Variants in EP400 observed in about 807,000 individuals in gnomAD.
EP400 encodes E1A binding protein p400, also known as E1A-binding protein p400.
A neutral mutation model predicts 354.1 loss-of-function variants in EP400; 105 were observed. The ratio of observed to expected loss-of-function variants is 0.30; its 90% CI spans 0.25 to 0.35. EP400 has a LOEUF of 0.35. Ranked by LOEUF, EP400 falls within the 10% of genes least tolerant of loss-of-function variation. The probability of loss-of-function intolerance (pLI) is 1.00; values close to 1 mark genes in which losing one functional copy is unlikely to be tolerated. For missense variants in EP400, 3,280 were observed against 4,121.0 expected (o/e 0.80, Z 5.59); for synonymous variants, 1,646 against 1,716.9 (o/e 0.96, Z 1.02).
intron 12 of EP400, among the ~76,000 whole-genome samples, chr12:132,001,694 G>A (rs553534984): frequency 3.7e-4 from 57 of 152,258 alleles, no homozygotes; most frequent in Admixed American, 1.3e-3. Flanking sequence ...AGATCCTGGC[G>A]TTACCGCTAG....
At position 132,073,459 on chromosome 12, in the gene EP400, C is replaced by CTTTTTTTTTTTT. The variant is rs58724167; in HGVS notation, c.9022-3054_9022-3043dup. The stretch of plus-strand genomic sequence containing the variant: ...GTGCGTTTTAATTCTGTCCCTTTTC[C>CTTTTTTTTTTTT]TTTTTTTTTTTTTTGACACAGTCTT... On this transcript the variant is annotated intron_variant, in intron 51 of 52. Transcript: ENST00000389561. Among the ~76,000 whole-genome samples, 11 of 117,698 alleles carry CTTTTTTTTTTTT rather than the reference C, an allele frequency of 9.3e-5. 1 individual carries two copies. The highest frequency in any genetic ancestry group is 2.4e-4 in the Admixed American group (3 of 12,620). 77.2% of individuals were successfully genotyped at this position (117,698 alleles called of 152,430 possible).
rs768528649 is a variant in EP400 at position 132,045,488 on chromosome 12, T to C, written c.6954T>C (p.Phe2318=). The change falls in exon 38 of 53, where the codon TTT becomes TTC. Residue 2318 remains phenylalanine (F), a synonymous_variant. Coordinates refer to ENST00000389561, the MANE Select transcript of EP400 (RefSeq NM_015409.5). ...QVPFAKPLPT[F]AKPTAEPGQD... ...CATTCGCCAAGCCCCTGCCAACTTT[T>C]GCCAAACCCACAGCTGAGCCTGGTC... 1 of 1,614,196 alleles carries C rather than the reference T, an allele frequency of 6.2e-7. No individual in the cohort carries two copies. The highest frequency in any genetic ancestry group is 8.5e-7 in the Non-Finnish European group (1 of 1,180,036).
intron 45 of EP400, among the ~76,000 whole-genome samples, chr12:132,057,187 G>A (rs1365134974): frequency 6.6e-6 from 1 of 152,188 alleles, no homozygotes; most frequent in Non-Finnish European, 1.5e-5. Flanking sequence ...AAGTGAAAAC[G>A]CCAGAACAAG....
At chr12:132,002,792 A>T (rs767241519) in intron 12 of EP400, among the ~76,000 whole-genome samples, 1 of 152,208 alleles carries the variant, frequency 6.6e-6, no homozygotes, top group African/African-American at 2.4e-5. Flanking sequence ...ACCAGGAGTG[A>T]ACACCAGGAG....
rs1293986480 is a variant in EP400 at position 132,029,352 on chromosome 12, A to G, written c.5382-349A>G. ...GGCTATAGCAGTTCTAGGGTCCACG[A>G]GACAGTGCACCTTTGTCCCAAAGTT... On this transcript the variant is annotated intron_variant, in intron 27 of 52. Transcript: ENST00000389561. The surrounding 1 kb of genome is among the most constrained non-coding windows in gnomAD (Gnocchi z 4.7). 1.2e-5 allele frequency: 4 copies of G among 327,248 alleles called. No homozygotes were observed. Among genetic ancestry groups the G allele is most frequent in the Non-Finnish European group, 2.3e-5 (4 of 175,978 alleles). 20.3% of individuals were successfully genotyped at this position (327,248 alleles called of 1,614,324 possible). A position where few individuals can be genotyped will look rare whatever the true frequency, so the allele number is the denominator to read the frequency against.
Position 132,017,655 on chromosome 12 carries a change from G to A in EP400, c.4044G>A (p.Val1348=), listed in dbSNP as rs1278448279. 3.1e-6 allele frequency: 5 copies of A among 1,600,458 alleles called. No individual in the cohort carries two copies. The highest frequency in any genetic ancestry group is 1.7e-5 in the Admixed American group (1 of 58,050). The change falls in exon 20 of 53, where the codon GTG becomes GTA. Residue 1348 remains valine (V), a synonymous_variant. Transcript: ENST00000389561. This position sits in a 1 kb window ranked among gnomAD's most constrained non-coding sequence, Gnocchi z 5.0. The part of the protein sequence containing the change: ...VEPRHPGSSY[V]AGPLEYPSAS... The stretch of plus-strand genomic sequence containing the variant: ...CCCGGCACCCAGGCTCTTCCTACGT[G>A]GCGGGGCCACTGGAGTATCCGTCCG...
intron 32 of EP400, among the ~76,000 whole-genome samples, chr12:132,040,391 C>T (rs1565925571): frequency 6.6e-6 from 1 of 152,034 alleles, no homozygotes; most frequent in Non-Finnish European, 1.5e-5. Flanking sequence ...TTGAAATTAG[C>T]GTGTAGGAGA....
chr12:131,988,482 A>G (rs1433118816), intron 7 of EP400, among the ~76,000 whole-genome samples: 1 of 152,136 alleles, frequency 6.6e-6, no homozygotes, highest in Non-Finnish European at 1.5e-5. Flanking sequence ...CAGTCAAGGG[A>G]CAGCAAGGGG....
intron 19 of EP400, among the ~76,000 whole-genome samples, chr12:132,016,006 GC>G (rs1327205498): frequency 6.6e-6 from 1 of 152,206 alleles, no homozygotes; most frequent in East Asian, 1.9e-4. Context: ...CTGTGCTTGT[GC>G]CGGCCTCTCC....
In EP400 at chr12:131,982,162, C is replaced by G; in HGVS notation, c.1613C>G (p.Pro538Arg). The G allele has an allele frequency of 6.2e-7, 1 of 1,603,848 alleles. No homozygotes were observed. Among genetic ancestry groups the G allele is most frequent in the Non-Finnish European group, 8.5e-7 (1 of 1,172,850 alleles). ...GQRQSQQQYDPSTGPPVQNAA... is the reference protein window; with the variant it reads ...GQRQSQQQYDRSTGPPVQNAA... The stretch of plus-strand genomic sequence containing the variant: ...AGGCAGAGTCAGCAGCAGTATGACC[C>G]CTCCACGGGGCCTCCCGTGCAGAAC... Residue 538 changes from proline to arginine, a missense_variant, in exon 5 of 53, where the codon CCC becomes CGC. Pro to Arg is a moderately radical substitution (Grantham distance 103). Coordinates refer to ENST00000389561, the MANE Select transcript of EP400 (RefSeq NM_015409.5).
chr12:132,016,900 C>T (rs919020588), intron 19 of EP400, among the ~76,000 whole-genome samples: 3 of 152,186 alleles, frequency 2.0e-5, no homozygotes, highest in East Asian at 3.9e-4. Flanking sequence ...ACAAGTCTGC[C>T]ATCTCCTTCC....
At position 132,011,637 on chromosome 12, in the gene EP400, A is replaced by AT. The variant is rs753406333; in HGVS notation, c.3441+13dup. ...GAGAACTCAAAGCAAAGAGACAGGTATTTTTTTTTTAAACATAAAATAAAG... is the reference window on the plus strand; with the variant it reads ...GAGAACTCAAAGCAAAGAGACAGGTATTTTTTTTTTTAAACATAAAATAAAG... On this transcript the variant is annotated splice_donor_region_variant and intron_variant, in intron 16 of 52. Transcript: ENST00000389561. The AT allele has an allele frequency of 6.6e-4, 995 of 1,498,458 alleles. 3 individuals are homozygous for AT. Among genetic ancestry groups the AT allele is most frequent in the South Asian group, 4.9e-3 (381 of 78,018 alleles). 92.8% of individuals were successfully genotyped at this position (1,498,458 alleles called of 1,614,324 possible).
At chr12:132,069,784 C>G (rs1273878819) in intron 51 of EP400, 143 bp downstream of exon 51, 10 of 1,267,654 alleles carry the variant, frequency 7.9e-6, no homozygotes, top group East Asian at 5.0e-5. Flanking sequence ...CTCCTGGCCT[C>G]AGGTTTCAAC....
At chr12:131,997,275 CTT>C (rs1337353932) in intron 12 of EP400, among the ~76,000 whole-genome samples, 10 of 144,360 alleles carry the variant, frequency 6.9e-5, no homozygotes, top group South Asian at 2.2e-4. Flanking sequence ...TTTTCTTTTT[CTT>C]TTTTTTTTTT....
chr12:132,061,168 G>A (rs190258603), intron 45 of EP400, among the ~76,000 whole-genome samples: 4 of 152,146 alleles, frequency 2.6e-5, no homozygotes, highest in Admixed American at 6.5e-5. Context: ...CACAGATCTC[G>A]TTACTGTTTA....
intron 12 of EP400, among the ~76,000 whole-genome samples, chr12:132,002,661 A>C (rs1412530142): frequency 1.3e-5 from 2 of 152,224 alleles, no homozygotes; most frequent in African/African-American, 4.8e-5. Flanking sequence ...TCCGAGAGCA[A>C]ATATCCATGA....
rs756253573 is a variant in EP400, at chr12:132,045,336, A to C, written c.6802A>C (p.Lys2268Gln). ...TDPSAAGRKK[K>Q]QRHGEAVVPP... ...CTGTTCAGCTGCAGGCAGGAAGAAG[A>C]AGCAGCGTCACGGGGAGGCGGTCGT... Residue 2268 changes from lysine to glutamine, a missense_variant, in exon 38 of 53, where the codon AAG becomes CAG. By Grantham distance (53) the Lys-to-Gln change is moderately conservative. This residue lies in a region of EP400 where 231 missense variants were observed against 257.9 expected (regional missense o/e 0.90). Transcript: ENST00000389561. The C allele has an allele frequency of 5.0e-5, 80 of 1,614,074 alleles. No individual in the cohort carries two copies. The highest frequency in any genetic ancestry group is 5.8e-5 in the Non-Finnish European group (68 of 1,180,046).
chr12:131,959,098 GGAGT>G (rs1891795413), intron 1 of EP400, among the ~76,000 whole-genome samples: 1 of 152,164 alleles, frequency 6.6e-6, no homozygotes, highest in African/African-American at 2.4e-5. Context: ...GGAACATTGC[GGAGT>G]GGTGTGGCTC....
intron 30 of EP400, among the ~76,000 whole-genome samples, chr12:132,036,733 C>T (rs1278264260): frequency 6.6e-6 from 1 of 152,158 alleles, no homozygotes; most frequent in Non-Finnish European, 1.5e-5. Context: ...TTTATGTAAT[C>T]AAATAATTTA....
Sources: allele counts gnomAD v4.1 joint callset (sites outside exome capture counted in the v4.1 genomes callset), GRCh38; gene constraint gnomAD v4.1.1; regional missense constraint gnomAD v4.1.1; non-coding constraint Gnocchi (gnomAD v3.1); transcripts MANE v1.5; gene names NCBI Gene and HGNC (gene_info 2026-07-23, HGNC 2026-07-21).